Variants in DCDC1 observed in about 807,000 individuals in gnomAD.
DCDC1 encodes the protein doublecortin domain containing 1, also known as doublecortin domain-containing protein 1.
DCDC1 carries 200 observed loss-of-function variants against 178.3 expected under a neutral mutation model. The observed-to-expected ratio is 1.12, with a 90% CI of 1.00 to 1.26. The LOEUF is 1.26. Among genes scored for constraint, DCDC1 ranks in the 50% most tolerant of loss-of-function variants. The pLI is 0.00. For synonymous variants in DCDC1, 690 were observed against 604.8 expected (o/e 1.14, Z -2.07); for missense variants, 1,983 against 1,749.2 (o/e 1.13, Z -2.38).
intron 25 of DCDC1, among the ~76,000 whole-genome samples, chr11:30,918,528 A>G (rs1946022912): frequency 6.6e-6 from 1 of 152,166 alleles, no homozygotes; most frequent in Admixed American, 6.6e-5. Context: ...GGATGGGGTA[A>G]GGTTTACGTT....
chr11:30,908,797 A>G (rs2134161049), intron 29 of DCDC1, 149 bp downstream of exon 29: 1 of 541,040 alleles, frequency 1.8e-6, no homozygotes, highest in Non-Finnish European at 2.9e-6. Flanking sequence ...CTTTCCTACC[A>G]GAATCAGAGT....
At chr11:31,150,900 A>G (rs1965106956) in intron 9 of DCDC1, among the ~76,000 whole-genome samples, 1 of 152,222 alleles carries the variant, frequency 6.6e-6, no homozygotes, top group Admixed American at 6.5e-5. Context: ...CAAAAAAAGA[A>G]TGTAGTGTAA....
At chr11:30,941,023 A>G (rs766801264) in intron 21 of DCDC1, among the ~76,000 whole-genome samples, 2 of 152,208 alleles carry the variant, frequency 1.3e-5, no homozygotes, top group Non-Finnish European at 2.9e-5. Context: ...AATTTCTAAT[A>G]TATGGTCTTA....
At chr11:31,009,118 G>A (rs890672677) in intron 20 of DCDC1, among the ~76,000 whole-genome samples, 1 of 152,122 alleles carries the variant, frequency 6.6e-6, no homozygotes, top group Non-Finnish European at 1.5e-5. Context: ...ACTTTAGTTT[G>A]TTTCAGGTGA....
intron 1 of DCDC1, among the ~76,000 whole-genome samples, chr11:31,347,609 G>A (rs1950879701): frequency 6.6e-6 from 1 of 152,132 alleles, no homozygotes. Context: ...GGATGTGAGT[G>A]GCAGGACCAC....
intron 15 of DCDC1, among the ~76,000 whole-genome samples, chr11:31,099,794 C>T (rs1005049783): frequency 1.3e-5 from 2 of 150,580 alleles, no homozygotes; most frequent in Admixed American, 6.7e-5. Flanking sequence ...TCTCGGCTCA[C>T]TACAACCTCT....
intron 2 of DCDC1, among the ~76,000 whole-genome samples, chr11:31,329,540 C>T (rs549744005): frequency 1.3e-5 from 2 of 152,204 alleles, no homozygotes; most frequent in East Asian, 3.9e-4. Flanking sequence ...AATGCTATCC[C>T]TCCAGCCCTG....
At chr11:31,151,672 G>C (rs988923425) in intron 9 of DCDC1, among the ~76,000 whole-genome samples, 13 of 152,260 alleles carry the variant, frequency 8.5e-5, no homozygotes, top group Admixed American at 7.2e-4. Context: ...CACATGTATA[G>C]AAATATAGGT....
At chr11:30,978,994 A>G (rs1950252180) in intron 20 of DCDC1, among the ~76,000 whole-genome samples, 1 of 152,154 alleles carries the variant, frequency 6.6e-6, no homozygotes, top group South Asian at 2.1e-4. Flanking sequence ...TAAAAGATCA[A>G]AAGGAATAAT....
At position 31,361,661 on chromosome 11, in the gene DCDC1, A is replaced by G. The variant is rs192669811; in HGVS notation, c.-125+8036T>C. ...ACACCCGGCTAATTTTTGTATTTTT[A>G]GTAGAGATGTGGTTTCACCATGTTG... On this transcript the variant is annotated intron_variant, in intron 1 of 38. Coordinates refer to ENST00000684477, the MANE Select transcript of DCDC1 (RefSeq NM_001387274.1). Among the ~76,000 whole-genome samples the G allele has an allele frequency of 5.9e-5, 9 of 152,224 alleles. No homozygotes were observed. In the East Asian group the frequency reaches 9.6e-4, roughly 16 times the overall value.
intron 2 of DCDC1, among the ~76,000 whole-genome samples, chr11:31,330,586 G>A (rs1949919899): frequency 6.6e-6 from 1 of 152,182 alleles, no homozygotes; most frequent in Non-Finnish European, 1.5e-5. Context: ...AAGGTGTAAG[G>A]AAGGGATCCA....
chr11:31,279,283 C>G (rs899596932), intron 7 of DCDC1, among the ~76,000 whole-genome samples: 2 of 151,336 alleles, frequency 1.3e-5, no homozygotes, highest in Non-Finnish European at 2.9e-5. Flanking sequence ...CTATTTTAAT[C>G]CTTTTAAGTT....
At chr11:31,211,568 C>T (rs772638533) in intron 9 of DCDC1, among the ~76,000 whole-genome samples, 5 of 152,180 alleles carry the variant, frequency 3.3e-5, no homozygotes, top group Non-Finnish European at 7.3e-5. Context: ...TACTTACAGA[C>T]ATGCCTAGAT....
In DCDC1 at chr11:31,116,226, T is replaced by C. The variant is rs1055743942; in HGVS notation, c.1486-5865A>G. On this transcript the variant is annotated intron_variant, in intron 11 of 38. Coordinates refer to ENST00000684477, the MANE Select transcript of DCDC1 (RefSeq NM_001387274.1). ...TCAAGTCCAATGACATTTTTAACTATAGATATCAAAATTTACCTTATATCT... is the reference window on the plus strand; with the variant it reads ...TCAAGTCCAATGACATTTTTAACTACAGATATCAAAATTTACCTTATATCT... 3.8e-4 allele frequency among the ~76,000 whole-genome samples: 29 copies of C among 77,012 alleles called. 1 individual carries two copies. The highest frequency in any genetic ancestry group is 1.4e-3 in the East Asian group (5 of 3,612). 50.5% of individuals were successfully genotyped at this position (77,012 alleles called of 152,430 possible).
Position 31,305,728 on chromosome 11 carries a change from C to A in DCDC1, c.641G>T (p.Arg214Leu). The A allele has an allele frequency of 6.2e-7, 1 of 1,613,740 alleles. No individual in the cohort carries two copies. ...EKLNLNMAAR[R>L]VFLADGKEAL... is the part of the protein sequence containing the mutation. ...TTCCTTGCCGTCTGCCAAGAACACT[C>A]GTCTTGCGGCCATGTTCAGATTCAG... Residue 214 changes from arginine (R) to leucine (L), a missense_variant, in exon 6 of 39, where the codon CGA (arginine) becomes CTA (leucine). Coordinates refer to ENST00000684477, the MANE Select transcript of DCDC1 (RefSeq NM_001387274.1).
intron 9 of DCDC1, among the ~76,000 whole-genome samples, chr11:31,146,643 G>C (rs1964488393): frequency 6.6e-6 from 1 of 152,138 alleles, no homozygotes; most frequent in African/African-American, 2.4e-5. Context: ...GTGTGAACTT[G>C]TGGCCCATTC....
chr11:30,881,341 C>T (rs577069818), intron 36 of DCDC1, 33 bp from the exon 37 acceptor site: 27 of 1,606,850 alleles, frequency 1.7e-5, no homozygotes, highest in South Asian at 5.5e-5. Context: ...CATTTGAATA[C>T]GGAATGGCAC....
At position 30,915,338 on chromosome 11, in the gene DCDC1, A is replaced by T. The variant is rs190132081; in HGVS notation, c.3653+173T>A. 7.7e-4 allele frequency among the ~76,000 whole-genome samples: 118 copies of T among 152,314 alleles called. 2 individuals carry two copies. Among genetic ancestry groups the T allele is most frequent in the Admixed American group, 6.0e-3 (92 of 15,298 alleles). On this transcript the variant is annotated intron_variant, in intron 27 of 38. Transcript: ENST00000684477. ...TGTATGTAGCTTACCTAGCATTTAC[A>T]TTTGATTTTATTCCCTTCCTCTTCT...
chr11:30,965,152 A>G (rs1949352378), intron 20 of DCDC1, among the ~76,000 whole-genome samples: 1 of 152,212 alleles, frequency 6.6e-6, no homozygotes, highest in African/African-American at 2.4e-5. Context: ...TGCCATGGTC[A>G]GAACACATAC....
Sources: gnomAD v4.1 joint callset for allele counts (sites outside exome capture counted in the v4.1 genomes callset) on GRCh38, gnomAD v4.1.1 for gene constraint, MANE v1.5 for transcripts, NCBI Gene and HGNC (gene_info 2026-07-23, HGNC 2026-07-21) for gene names.